The following CLOCK variants were observed in gnomAD, a reference collection of about 807,000 sequenced individuals.
CLOCK encodes the protein circadian locomoter output cycles protein kaput.
Under a neutral mutation model 118.4 loss-of-function variants are expected in CLOCK, and 43 were observed. The observed-to-expected ratio is 0.36, with a 90% CI of 0.28 to 0.47. The LOEUF is 0.47. Ranked by LOEUF, CLOCK falls within the 20% of genes least tolerant of loss-of-function variation. CLOCK has a pLI of 1.00. For missense variants in CLOCK, 846 were observed against 999.9 expected, an observed-to-expected ratio of 0.85 and a Z score of 2.08; for synonymous variants, 326 against 339.2, an observed-to-expected ratio of 0.96 and a Z score of 0.43.
chr4:55,510,856 G>A (rs900280629), intron 1 of CLOCK, among the ~76,000 whole-genome samples: 3 of 152,118 alleles, frequency 2.0e-5, no homozygotes, highest in Non-Finnish European at 4.4e-5. Flanking sequence ...AAATGAGAAA[G>A]GGCATTTCCT....
At chr4:55,538,863 A>C (rs1335182691) in intron 1 of CLOCK, among the ~76,000 whole-genome samples, 1 of 152,238 alleles carries the variant, frequency 6.6e-6, no homozygotes, top group East Asian at 1.9e-4. Context: ...AAAAGAAAGG[A>C]AGACAGAAAG....
chr4:55,467,392 A>G (rs1181903698), intron 8 of CLOCK, among the ~76,000 whole-genome samples: 1 of 152,224 alleles, frequency 6.6e-6, no homozygotes, highest in African/African-American at 2.4e-5. Flanking sequence ...TACAACTACC[A>G]TAACTATCCA....
At chr4:55,469,592 G>A (rs1303198635) in intron 8 of CLOCK, among the ~76,000 whole-genome samples, 1 of 152,136 alleles carries the variant, frequency 6.6e-6, no homozygotes, top group Non-Finnish European at 1.5e-5. Context: ...AGGCTAATGT[G>A]TGTATGTTTG....
rs747152852 is a variant in CLOCK, at chr4:55,448,799, T to C, written c.1519A>G (p.Ile507Val). The C allele has an allele frequency of 1.2e-5, 20 of 1,613,816 alleles. No homozygotes were observed. The highest frequency in any genetic ancestry group is 2.7e-5 in the African/African-American group (2 of 74,906). Residue 507 changes from isoleucine to valine, a missense_variant, in exon 18 of 23, where the codon ATT becomes GTT. By Grantham distance (29) the Ile-to-Val change is conservative. This residue lies in a region of CLOCK where 520 missense variants were observed against 558.0 expected (regional missense o/e 0.93). Transcript: ENST00000513440. ...AGTACCTGGGACATGCCTTGTGGAA[T>C]TGGTAAATTTGTAGCTTGAGACATC... ...PVMSQATNLPIPQGMSQFQFS... is the reference protein window; with the variant it reads ...PVMSQATNLPVPQGMSQFQFS...
intron 1 of CLOCK, among the ~76,000 whole-genome samples, chr4:55,533,429 A>G (rs1730681762): frequency 6.6e-6 from 1 of 152,356 alleles, no homozygotes; most frequent in East Asian, 1.9e-4. Flanking sequence ...CAAAGAATGA[A>G]GCCAAAATAT....
chr4:55,511,895 G>C (rs184136381), intron 1 of CLOCK, among the ~76,000 whole-genome samples: 103 of 151,984 alleles, frequency 6.8e-4, no homozygotes, highest in Non-Finnish European at 1.3e-3. Context: ...CTTTCACTTA[G>C]TAAATACACA....
chr4:55,443,770 T>A lies in CLOCK; in HGVS notation c.1819A>T (p.Ile607Phe), dbSNP rs141058115. 41 of 1,614,022 alleles carry A rather than the reference T, an allele frequency of 2.5e-5. 1 individual carries two copies. In the South Asian group the frequency reaches 3.8e-4, roughly 15 times the overall value. ...TGTCCAGTATTCATTCCACTTTGAA[T>A]CTGGTTAGTAGGAACAACTTGGCCT... ...MQGQVVPTNQ[I>F]QSGMNTGHIG... is the part of the protein sequence containing the mutation. The change falls in exon 20 of 23, where the codon ATT becomes TTT. Residue 607 changes from isoleucine (I) to phenylalanine (F), a missense_variant. Coordinates refer to ENST00000513440, the MANE Select transcript of CLOCK (RefSeq NM_004898.4).
intron 1 of CLOCK, among the ~76,000 whole-genome samples, chr4:55,515,748 T>G (rs1052615655): frequency 1.3e-5 from 2 of 152,202 alleles, no homozygotes; most frequent in African/African-American, 4.8e-5. Context: ...CTACTTTTTG[T>G]AGTTTCCTAA....
chr4:55,502,095 A>C (rs1728485103), intron 2 of CLOCK, among the ~76,000 whole-genome samples: 1 of 152,216 alleles, frequency 6.6e-6, no homozygotes, highest in Non-Finnish European at 1.5e-5. Flanking sequence ...AAGGCATACA[A>C]CCTTGCAATT....
In CLOCK at chr4:55,442,381, TAATC is replaced by T. The variant is rs370414195; in HGVS notation, c.2105+47_2105+50del. On this transcript the variant is annotated intron_variant, in intron 21 of 22. Coordinates refer to ENST00000513440, the MANE Select transcript of CLOCK (RefSeq NM_004898.4). ...ATTAAGAAATCAAATTATTGTTTTC[TAATC>T]AATCGGTTTACAATTTTAAAAATAA... 8.2e-5 allele frequency: 122 copies of T among 1,480,772 alleles called. No individual in the cohort carries two copies. In the African/African-American group the frequency reaches 1.4e-3, roughly 17 times the overall value. 91.7% of individuals were successfully genotyped at this position (1,480,772 alleles called of 1,614,324 possible).
chr4:55,504,149 G>A (rs1728633971), intron 2 of CLOCK, among the ~76,000 whole-genome samples: 1 of 151,204 alleles, frequency 6.6e-6, no homozygotes, highest in Non-Finnish European at 1.5e-5. Context: ...AGCTGGGTGT[G>A]GTGGCAGGCG....
chr4:55,483,025 T>C (rs1212122078), intron 3 of CLOCK, among the ~76,000 whole-genome samples, 197 bp from the exon 4 acceptor site: 1 of 152,042 alleles, frequency 6.6e-6, no homozygotes, highest in Non-Finnish European at 1.5e-5. Flanking sequence ...AAAAAACACC[T>C]ACAAGAAAAA....
intron 18 of CLOCK, 73 bp downstream of exon 18, chr4:55,448,706 T>TA: frequency 3.8e-6 from 5 of 1,317,606 alleles, no homozygotes; most frequent in South Asian, 3.7e-5. Flanking sequence ...CCTGGATTTT[T>TA]AAAAAAATTA....
intron 3 of CLOCK, among the ~76,000 whole-genome samples, 188 bp downstream of exon 3, chr4:55,489,186 C>T (rs1727506861): frequency 6.6e-6 from 1 of 152,234 alleles, no homozygotes; most frequent in Non-Finnish European, 1.5e-5. Context: ...TTGTTCATCA[C>T]TGAATCCCCA....
intron 2 of CLOCK, among the ~76,000 whole-genome samples, chr4:55,498,587 T>C (rs79658500): frequency 0.25 from 37,225 of 146,530 alleles, 4,907 homozygotes; most frequent in South Asian, 0.39. Context: ...ATTTAAAAAA[T>C]TGATCTATCT....
At chr4:55,443,273 G>T (rs2109688339) in intron 20 of CLOCK, among the ~76,000 whole-genome samples, 1 of 152,136 alleles carries the variant, frequency 6.6e-6, no homozygotes, top group Admixed American at 6.5e-5. Context: ...TCAGGAGTTT[G>T]AGATCAGCCA....
intron 16 of CLOCK, 43 bp from the exon 17 acceptor site, chr4:55,449,539 TA>T: frequency 6.7e-7 from 1 of 1,483,230 alleles, no homozygotes. Flanking sequence ...CTTTATAAAA[TA>T]TAGTTTTTAA....
intron 16 of CLOCK, 147 bp downstream of exon 16, chr4:55,449,944 C>G: frequency 1.0e-6 from 1 of 988,606 alleles, no homozygotes; most frequent in Non-Finnish European, 1.5e-6. Flanking sequence ...GGCAATGTCC[C>G]TTTAACTCAC....
intron 1 of CLOCK, among the ~76,000 whole-genome samples, chr4:55,545,052 CT>C (rs34291520): frequency 0.29 from 41,835 of 144,624 alleles, 6,406 homozygotes; most frequent in Middle Eastern, 0.42. Flanking sequence ...TTCAGGCTAA[CT>C]TTTTTTTTTT....
Sources: gnomAD v4.1 joint callset for allele counts (sites outside exome capture counted in the v4.1 genomes callset) on GRCh38, gnomAD v4.1.1 for gene constraint, gnomAD v4.1.1 regional missense constraint, MANE v1.5 for transcripts, NCBI Gene and HGNC (gene_info 2026-07-23, HGNC 2026-07-21) for gene names.